Variants in TRABD2B observed in about 807,000 individuals in gnomAD.
TRABD2B encodes TraB domain containing 2B.
In TRABD2B, 14 loss-of-function variants were observed where a neutral mutation model predicts 40.1. That is an observed-to-expected ratio of 0.35 (90% CI 0.23 to 0.55). The LOEUF (loss-of-function observed/expected upper bound fraction) is 0.55. Among genes scored for constraint, TRABD2B ranks in the 20% least tolerant of loss-of-function variants. The probability of loss-of-function intolerance (pLI) is 0.90; values close to 1 mark genes in which losing one functional copy is unlikely to be tolerated. For synonymous variants in TRABD2B, 263 were observed against 277.0 expected, an observed-to-expected ratio of 0.95 and a Z score of 0.50; for missense variants, 541 against 648.6, an observed-to-expected ratio of 0.83 and a Z score of 1.80.
intron 2 of TRABD2B, among the ~76,000 whole-genome samples, chr1:47,863,883 A>T (rs1460573987): frequency 2.0e-5 from 3 of 152,232 alleles, no homozygotes; most frequent in Non-Finnish European, 2.9e-5. Flanking sequence ...AATAAACTAC[A>T]GTACATCTAG....
intron 2 of TRABD2B, among the ~76,000 whole-genome samples, chr1:47,957,318 G>A (rs1311653650): frequency 5.9e-5 from 9 of 152,284 alleles, no homozygotes; most frequent in Admixed American, 2.6e-4. Context: ...CCAAAGAAAC[G>A]CAGCTCCTCA....
intron 2 of TRABD2B, among the ~76,000 whole-genome samples, chr1:47,846,896 A>ACACACACACACACACGC (rs1557610238): frequency 1.3e-5 from 2 of 148,356 alleles, no homozygotes; most frequent in African/African-American, 2.5e-5. Context: ...ACACACACAC[A>ACACACACACACACACGC]AATGAGGGCT....
intron 2 of TRABD2B, among the ~76,000 whole-genome samples, chr1:47,933,242 A>T (rs1359534382): frequency 6.6e-6 from 1 of 151,042 alleles, no homozygotes; most frequent in African/African-American, 2.4e-5. Context: ...AGTAGCTGGG[A>T]CTATAGGCAC....
chr1:47,827,217 G>A (rs940799837), intron 2 of TRABD2B, among the ~76,000 whole-genome samples: 1 of 152,220 alleles, frequency 6.6e-6, no homozygotes, highest in Non-Finnish European at 1.5e-5. Context: ...TGTAATGGAG[G>A]AGACAGCCAG....
chr1:47,805,694 T>C (rs1282273876), intron 2 of TRABD2B, among the ~76,000 whole-genome samples: 1 of 152,200 alleles, frequency 6.6e-6, no homozygotes, highest in African/African-American at 2.4e-5. Context: ...TCTTCATCCA[T>C]TCATTACCAG....
intron 2 of TRABD2B, among the ~76,000 whole-genome samples, chr1:47,976,588 G>A (rs903896509): frequency 8.5e-5 from 13 of 152,150 alleles, no homozygotes; most frequent in South Asian, 2.1e-4. Context: ...TGTATAGAAC[G>A]CAATTGATGA....
chr1:47,802,359 C>T (rs900722134), intron 2 of TRABD2B, among the ~76,000 whole-genome samples: 4 of 152,216 alleles, frequency 2.6e-5, no homozygotes, highest in South Asian at 2.1e-4. Context: ...ATTTGAGGAT[C>T]GTGGCTCTAA....
At chr1:47,846,854 G>GCACACACACACACA (rs1645476848) in intron 2 of TRABD2B, among the ~76,000 whole-genome samples, 1 of 48,716 alleles carries the variant, frequency 2.1e-5, no homozygotes, top group Non-Finnish European at 4.4e-5. Flanking sequence ...GTTAAAACAT[G>GCACACACACACACA]CATACACACA....
chr1:47,917,484 G>T (rs1381115549), intron 2 of TRABD2B, among the ~76,000 whole-genome samples: 1 of 152,152 alleles, frequency 6.6e-6, no homozygotes, highest in Non-Finnish European at 1.5e-5. Flanking sequence ...ACTCTGAGAG[G>T]CCAAGGTGGG....
At chr1:47,834,057 C>A (rs774947480) in intron 2 of TRABD2B, among the ~76,000 whole-genome samples, 37 of 152,220 alleles carry the variant, frequency 2.4e-4, no homozygotes, top group Admixed American at 4.6e-4. Context: ...CTGGCAGTCA[C>A]TGGCAAAGGA....
rs1024732403 is a variant in TRABD2B at position 47,763,084 on chromosome 1, G to A, written c.*2818C>T. 3.9e-5 allele frequency: 6 copies of A among 152,222 alleles called. No individual in the cohort carries two copies. The highest frequency in any genetic ancestry group is 1.4e-4 in the African/African-American group (6 of 41,456). 9.4% of individuals were successfully genotyped at this position (152,222 alleles called of 1,614,324 possible). A position where few individuals can be genotyped will look rare whatever the true frequency, so the allele number is the denominator to read the frequency against. On this transcript the variant is annotated 3_prime_UTR_variant, in exon 7 of 7. Coordinates refer to ENST00000606738, the MANE Select transcript of TRABD2B (RefSeq NM_001194986.2). Reference sequence around the variant, plus strand: ...CACAAAGAACGTTTCTGGAAGAAATGTCAGTTAGTGGTGGATAGATCGTGT... The same window carrying A: ...CACAAAGAACGTTTCTGGAAGAAATATCAGTTAGTGGTGGATAGATCGTGT...
rs529699053 is a variant in TRABD2B, at chr1:47,970,494, C to T, written c.666+23540G>A. ...AAATCTATGTTCCCATTTTCATCTC[C>T]CATCCCTCATTCCCTCTTTCCCTCC... On this transcript the variant is annotated intron_variant, in intron 2 of 6. Coordinates refer to ENST00000606738, the MANE Select transcript of TRABD2B (RefSeq NM_001194986.2). Among the ~76,000 whole-genome samples the T allele has an allele frequency of 2.6e-5, 4 of 152,268 alleles. No individual in the cohort carries two copies. The South Asian group carries it at 8.3e-4, about 32-fold the overall frequency.
At chr1:47,862,706 A>C (rs137895443) in intron 2 of TRABD2B, among the ~76,000 whole-genome samples, 1 of 152,294 alleles carries the variant, frequency 6.6e-6, no homozygotes, top group East Asian at 1.9e-4. Flanking sequence ...AATCCCACCA[A>C]GTTATTTTGT....
intron 2 of TRABD2B, among the ~76,000 whole-genome samples, chr1:47,846,857 T>TACACACACACAC (rs67359073): frequency 0.028 from 2,974 of 106,420 alleles, 80 homozygotes; most frequent in Admixed American, 0.1. Context: ...AAAACATGCA[T>TACACACACACAC]ACACACACAC....
chr1:47,854,281 G>A (rs567941262), intron 2 of TRABD2B, among the ~76,000 whole-genome samples: 8 of 152,194 alleles, frequency 5.3e-5, no homozygotes, highest in Non-Finnish European at 7.3e-5. Context: ...GGGGTTACTA[G>A]GAAAGGTTGT....
At chr1:47,864,046 G>T (rs563030558) in intron 2 of TRABD2B, among the ~76,000 whole-genome samples, 1 of 152,174 alleles carries the variant, frequency 6.6e-6, no homozygotes, top group Non-Finnish European at 1.5e-5. Flanking sequence ...TCTGGAAAAC[G>T]CAACAAAACT....
chr1:47,788,337 C>A (rs997784889), intron 4 of TRABD2B, among the ~76,000 whole-genome samples: 1 of 152,184 alleles, frequency 6.6e-6, no homozygotes, highest in Non-Finnish European at 1.5e-5. Context: ...TTCTGTGTCC[C>A]AGCTTCACAG....
chr1:47,889,327 C>T (rs1644413857), intron 2 of TRABD2B, among the ~76,000 whole-genome samples: 1 of 152,216 alleles, frequency 6.6e-6, no homozygotes, highest in South Asian at 2.1e-4. Flanking sequence ...CTTCTCTAAG[C>T]CTCAGCTTTC....
chr1:47,820,051 A>G (rs1645085208), intron 2 of TRABD2B: 1 of 152,320 alleles, frequency 6.6e-6, no homozygotes, highest in Non-Finnish European at 1.5e-5. Flanking sequence ...TCCACAGCAC[A>G]TAGCACTGAC....
Sources: gnomAD v4.1 joint callset for allele counts (sites outside exome capture counted in the v4.1 genomes callset) on GRCh38, gnomAD v4.1.1 for gene constraint, MANE v1.5 for transcripts, NCBI Gene and HGNC (gene_info 2026-07-23, HGNC 2026-07-21) for gene names.